HDAC9: variants seen among roughly 807,000 people sequenced by gnomAD.
The protein encoded by HDAC9 is MEF-2 interacting transcription repressor (MITR) protein.
Under a neutral mutation model 139.4 loss-of-function variants are expected in HDAC9, and 41 were observed. That is an observed-to-expected ratio of 0.29 (90% CI 0.23 to 0.38). The LOEUF is 0.38. HDAC9 is among the 10% of genes least tolerant of loss of function. The pLI, the probability that HDAC9 is intolerant of heterozygous loss-of-function variation, is 1.00. For missense variants in HDAC9, 1,147 were observed against 1,297.0 expected (o/e 0.88, Z 1.78); for synonymous variants, 517 against 476.2 (o/e 1.09, Z -1.12).
chr7:18,786,287 T>C (rs1263288287), intron 16 of HDAC9, among the ~76,000 whole-genome samples: 2 of 152,164 alleles, frequency 1.3e-5, no homozygotes, highest in African/African-American at 4.8e-5. Flanking sequence ...TTTTAATAAA[T>C]AGATGTATAA....
At chr7:18,916,426 ATACAGT>A (rs896372575) in intron 22 of HDAC9, among the ~76,000 whole-genome samples, 26 of 151,490 alleles carry the variant, frequency 1.7e-4, no homozygotes, top group African/African-American at 6.4e-4. Flanking sequence ...GCTCAAAATA[ATACAGT>A]TAGTAAAGTG....
chr7:18,103,039 G>A lies in HDAC9; in HGVS notation c.-97+15826G>A, dbSNP rs149689161. Among the ~76,000 whole-genome samples the A allele has an allele frequency of 7.4e-3, 1,132 of 152,326 alleles. 7 individuals are homozygous for A. The highest frequency in any genetic ancestry group is 0.012 in the Non-Finnish European group (813 of 68,026). ...AGGAATGAGGTTTAAGGGACTCACA[G>A]TTCCACATTGCGGGGGAGGCCTCAC... On this transcript the variant is annotated intron_variant, in intron 1 of 12. Coordinates refer to the HDAC9 transcript ENST00000417496.
chr7:18,189,924 TG>T, intron 2 of HDAC9, among the ~76,000 whole-genome samples: 1 of 142,042 alleles, frequency 7.0e-6, no homozygotes, highest in Non-Finnish European at 1.5e-5. Context: ...GTGTGTGGTG[TG>T]TGTGTGTGTG....
intron 2 of HDAC9, among the ~76,000 whole-genome samples, chr7:18,211,270 A>G (rs1562753144): frequency 6.6e-6 from 1 of 152,206 alleles, no homozygotes; most frequent in South Asian, 2.1e-4. Context: ...CCACTTACCT[A>G]TAGTTTCAAC....
At chr7:18,538,197 C>A (rs984472470) in intron 2 of HDAC9, among the ~76,000 whole-genome samples, 1 of 152,160 alleles carries the variant, frequency 6.6e-6, no homozygotes, top group Non-Finnish European at 1.5e-5. Context: ...GTCTCACTTT[C>A]CATTTAGTCC....
At chr7:18,760,628 A>G (rs141288790) in intron 14 of HDAC9, among the ~76,000 whole-genome samples, 1 of 152,362 alleles carries the variant, frequency 6.6e-6, no homozygotes, top group African/African-American at 2.4e-5. Context: ...CTTCAATGAT[A>G]TACAAAGAAA....
intron 25 of HDAC9, among the ~76,000 whole-genome samples, chr7:18,995,212 C>T (rs979999526): frequency 1.3e-5 from 2 of 152,146 alleles, no homozygotes; most frequent in Non-Finnish European, 1.5e-5. Flanking sequence ...TAACAAATGG[C>T]AGAGCTCAGA....
At chr7:18,740,712 G>T (rs986537635) in intron 13 of HDAC9, among the ~76,000 whole-genome samples, 2 of 152,216 alleles carry the variant, frequency 1.3e-5, no homozygotes, top group Non-Finnish European at 2.9e-5. Context: ...AAATGATTAA[G>T]CTTAGTGAGG....
intron 13 of HDAC9, 126 bp downstream of exon 13, chr7:18,727,883 A>C: frequency 3.0e-6 from 2 of 668,592 alleles, no homozygotes; most frequent in Non-Finnish European, 4.6e-6. Flanking sequence ...GTGCAACCCA[A>C]ATTTTACGAG....
chr7:18,548,919 G>T (rs868701893), intron 2 of HDAC9, among the ~76,000 whole-genome samples: 152 of 152,186 alleles, frequency 1.0e-3, no homozygotes, highest in African/African-American at 3.5e-3. Context: ...TGCTATTCTG[G>T]AAAATAGTTT....
rs2128139161 is a variant in HDAC9, at chr7:18,495,992, C to T, written c.-73C>T. 2.2e-6 allele frequency: 3 copies of T among 1,381,046 alleles called. No homozygotes were observed. Among genetic ancestry groups the T allele is most frequent in the Middle Eastern group, 2.7e-4 (1 of 3,728 alleles). The allele number at this position is 1,381,046 out of a possible 1,614,324, so 85.5% of individuals were successfully genotyped here. ...TAACCTAAACTCCAGAGAGCTATAGCATCCACTCTGTCCTTTCTGCTTTGC... is the reference window on the plus strand; with the variant it reads ...TAACCTAAACTCCAGAGAGCTATAGTATCCACTCTGTCCTTTCTGCTTTGC... On this transcript the variant is annotated 5_prime_UTR_variant, in exon 1 of 26. Coordinates refer to ENST00000686413, the MANE Select transcript of HDAC9 (RefSeq NM_178425.4).
chr7:18,700,099 G>A (rs1783350874), intron 12 of HDAC9, among the ~76,000 whole-genome samples: 1 of 152,026 alleles, frequency 6.6e-6, no homozygotes, highest in Non-Finnish European at 1.5e-5. Flanking sequence ...CACTTGTCCT[G>A]GCATTGGAAG....
intron 1 of HDAC9, among the ~76,000 whole-genome samples, chr7:18,155,714 G>C (rs1787140469): frequency 6.6e-6 from 1 of 152,026 alleles, no homozygotes; most frequent in South Asian, 2.1e-4. Context: ...TGGCCTTCTG[G>C]GTGACATGTT....
intron 2 of HDAC9, among the ~76,000 whole-genome samples, chr7:18,560,005 G>A (rs896069070): frequency 6.6e-6 from 1 of 152,130 alleles, no homozygotes; most frequent in Non-Finnish European, 1.5e-5. Context: ...TGAAAGCTAA[G>A]ATAAGCAAAA....
At chr7:18,535,559 C>T (rs1298509080) in intron 2 of HDAC9, among the ~76,000 whole-genome samples, 1 of 151,474 alleles carries the variant, frequency 6.6e-6, no homozygotes, top group Admixed American at 6.6e-5. Flanking sequence ...TACATACATT[C>T]ATTTCTTTAT....
At chr7:18,373,905 G>A (rs1213525910) in intron 1 of HDAC9, among the ~76,000 whole-genome samples, 1 of 151,806 alleles carries the variant, frequency 6.6e-6, no homozygotes, top group African/African-American at 2.4e-5. Context: ...TTTAGAAATA[G>A]AAAAGCACTC....
intron 1 of HDAC9, among the ~76,000 whole-genome samples, chr7:18,342,984 A>G (rs1471731667): frequency 2.0e-5 from 3 of 151,822 alleles, no homozygotes; most frequent in Non-Finnish European, 4.4e-5. Context: ...GGACACTTAC[A>G]TGGTGCTCAA....
chr7:18,411,630 C>T (rs1788562556), intron 1 of HDAC9, among the ~76,000 whole-genome samples: 1 of 152,100 alleles, frequency 6.6e-6, no homozygotes. Flanking sequence ...CTGCCTTGGC[C>T]TCCCAAAGTG....
chr7:18,385,038 CCTT>C (rs557030390), intron 1 of HDAC9, among the ~76,000 whole-genome samples: 258 of 152,300 alleles, frequency 1.7e-3, no homozygotes, highest in African/African-American at 6.0e-3. Flanking sequence ...ATCCTTCAAT[CCTT>C]CTTTTCCTGG....
Sources: allele counts gnomAD v4.1 joint callset (sites outside exome capture counted in the v4.1 genomes callset), GRCh38; gene constraint gnomAD v4.1.1; transcripts MANE v1.5; gene names NCBI Gene and HGNC (gene_info 2026-07-23, HGNC 2026-07-21).